PRRC2A: variants seen among roughly 807,000 people sequenced by gnomAD.
PRRC2A encodes protein PRRC2A.
Under a neutral mutation model 224.6 loss-of-function variants are expected in PRRC2A, and 59 were observed. The ratio of observed to expected loss-of-function variants is 0.26; its 90% confidence interval spans 0.21 to 0.33. PRRC2A has a LOEUF of 0.33. Ranked by LOEUF, PRRC2A falls within the 10% of genes least tolerant of loss-of-function variation. PRRC2A has a pLI of 1.00. For missense variants in PRRC2A, 3,095 were observed against 2,880.7 expected, an observed-to-expected ratio of 1.07 and a Z score of -1.70; for synonymous variants, 1,194 against 1,109.5, an observed-to-expected ratio of 1.08 and a Z score of -1.51.
At position 31,625,365 on chromosome 6, in the gene PRRC2A, G is replaced by C; in HGVS notation, c.607+51G>C. ...CATTACCTATTGCATCTCAGAGCTA[G>C]GTGCTGGCTTATTCACCTTCCTCCC... On this transcript the variant is annotated intron_variant, in intron 6 of 30. Transcript: ENST00000376033. The surrounding 1 kb of genome is among the most constrained non-coding windows in gnomAD (Gnocchi z 4.1). 1.2e-6 allele frequency: 2 copies of C among 1,614,064 alleles called. No homozygotes were observed. Among genetic ancestry groups the C allele is most frequent in the Non-Finnish European group, 1.7e-6 (2 of 1,179,908 alleles).
At chr6:31,623,159 C>T in intron 2 of PRRC2A, 1 of 726,938 alleles carries the variant, frequency 1.4e-6, no homozygotes. Context: ...ATTTGGGAAA[C>T]TTTGAGGCCA....
chr6:31,627,710 A>T lies in PRRC2A; in HGVS notation c.1291-55A>T, dbSNP rs2736171. 3.2e-6 allele frequency: 5 copies of T among 1,579,968 alleles called. No individual in the cohort carries two copies. Among genetic ancestry groups the T allele is most frequent in the East Asian group, 2.3e-5 (1 of 44,212 alleles). ...CAGTTGATTTGTTGTAAAAGAGATG[A>T]TAGAAAGCATAGTAACTGATTCCCC... On this transcript the variant is annotated intron_variant, in intron 11 of 30. Coordinates refer to ENST00000376033, the MANE Select transcript of PRRC2A (RefSeq NM_004638.4). The surrounding 1 kb of genome is among the most constrained non-coding windows in gnomAD (Gnocchi z 5.6).
Position 31,627,818 on chromosome 6 carries a change from A to G in PRRC2A, c.1344A>G (p.Ala448=). Residue 448 remains alanine (A), a synonymous_variant, in exon 12 of 31, where the codon GCA becomes GCG. Coordinates refer to ENST00000376033, the MANE Select transcript of PRRC2A (RefSeq NM_004638.4). This position sits in a 1 kb window ranked among gnomAD's most constrained non-coding sequence, Gnocchi z 5.6. ...KPPAPEDEDE[A]WRQRRKQSSS... ...CAGCACCTGAAGATGAGGATGAGGCATGGCGGCAGCGACGAAAGCAGTCGT... is the reference window on the plus strand; with the variant it reads ...CAGCACCTGAAGATGAGGATGAGGCGTGGCGGCAGCGACGAAAGCAGTCGT... 5.6e-6 allele frequency: 9 copies of G among 1,613,092 alleles called. No individual in the cohort carries two copies. Among genetic ancestry groups the G allele is most frequent in the Non-Finnish European group, 2.5e-6 (3 of 1,180,034 alleles).
Position 31,627,242 on chromosome 6 carries a change from A to G in PRRC2A, c.1290+44A>G, listed in dbSNP as rs1248126841. 1.1e-5 allele frequency: 15 copies of G among 1,392,442 alleles called. No individual in the cohort carries two copies. Among genetic ancestry groups the G allele is most frequent in the African/African-American group, 1.4e-5 (1 of 69,326 alleles). 86.3% of individuals were successfully genotyped at this position (1,392,442 alleles called of 1,614,324 possible). On this transcript the variant is annotated intron_variant, in intron 11 of 30. Coordinates refer to ENST00000376033, the MANE Select transcript of PRRC2A (RefSeq NM_004638.4). The surrounding 1 kb of genome is among the most constrained non-coding windows in gnomAD (Gnocchi z 5.6). Reference sequence around the variant, plus strand: ...GGATTGAGAGGGTCAGCTGTGGGAAATTGGTGTCAGCTGAGTAATTGAAGC... The same window carrying G: ...GGATTGAGAGGGTCAGCTGTGGGAAGTTGGTGTCAGCTGAGTAATTGAAGC...
rs1351960455 is a variant in PRRC2A, at chr6:31,634,289, C to T, written c.4773C>T (p.Gly1591=). 6.2e-6 allele frequency: 10 copies of T among 1,610,698 alleles called. No individual in the cohort carries two copies. Among genetic ancestry groups the T allele is most frequent in the Non-Finnish European group, 8.5e-6 (10 of 1,179,478 alleles). ...GATTCTTGGGCTCTAAGCCTGAGGGCCCAGGCCCTCAGGCAGAGTCCAGAG... is the reference window on the plus strand; with the variant it reads ...GATTCTTGGGCTCTAAGCCTGAGGGTCCAGGCCCTCAGGCAGAGTCCAGAG... ...SSGFLGSKPE[G]PGPQAESRDT... The change falls in exon 19 of 31, where the codon GGC becomes GGT. Residue 1591 remains glycine, a synonymous_variant. Transcript: ENST00000376033.
chr6:31,635,892 T>G (rs1777279930), intron 24 of PRRC2A, 75 bp from the exon 25 acceptor site: 7 of 1,471,840 alleles, frequency 4.8e-6, no homozygotes, highest in Non-Finnish European at 6.5e-6. Context: ...ACTTTTTGCT[T>G]CTATGGGTGG....
At position 31,631,704 on chromosome 6, in the gene PRRC2A, A is replaced by T. The variant is rs1443835358; in HGVS notation, c.3031A>T (p.Arg1011Trp). The change falls in exon 16 of 31, where the codon AGG (arginine) becomes TGG (tryptophan). Residue 1011 changes from arginine (R) to tryptophan (W), a missense_variant. By Grantham distance (101) the Arg-to-Trp change is moderately radical (BLOSUM62 -3). Transcript: ENST00000376033. The surrounding 1 kb of genome is among the most constrained non-coding windows in gnomAD (Gnocchi z 4.5). The stretch of plus-strand genomic sequence containing the variant: ...TCTTTCCCCTGCCCCAAGGCTTCGG[A>T]GGGACTATTCGTATGAAAGAGTGGG... ...GNLSPAPRLR[R>W]DYSYERVGPT... 3.3e-6 allele frequency: 5 copies of T among 1,516,294 alleles called. No homozygotes were observed. The highest frequency in any genetic ancestry group is 1.4e-5 in the African/African-American group (1 of 71,494). The allele number at this position is 1,516,294 out of a possible 1,614,324, so 93.9% of individuals were successfully genotyped here.
rs1333729733 is a variant in PRRC2A at position 31,624,275 on chromosome 6, C to T, written c.305C>T (p.Thr102Ile). 6 of 1,613,544 alleles carry T rather than the reference C, an allele frequency of 3.7e-6. No homozygotes were observed. Among genetic ancestry groups the T allele is most frequent in the Non-Finnish European group, 5.1e-6 (6 of 1,179,978 alleles). Residue 102 changes from threonine (T) to isoleucine (I), a missense_variant, in exon 4 of 31, where the codon ACC (threonine) becomes ATC (isoleucine). Transcript: ENST00000376033. ...QSDPKSSDAS[T>I]AQPPESQPLP... ...TGTCCCCTCAGTTCCGATGCCTCAA[C>T]CGCTCAGCCGCCGGAATCGCAGCCA...
At chr6:31,624,065 T>C (rs1208502486) in intron 3 of PRRC2A, among the ~76,000 whole-genome samples, 156 bp downstream of exon 3, 2 of 152,218 alleles carry the variant, frequency 1.3e-5, no homozygotes, top group African/African-American at 2.4e-5. Context: ...TAAGGAATGG[T>C]ACTAAACTTT....
chr6:31,625,521 C>G lies in PRRC2A; in HGVS notation c.669C>G (p.Ser223=). The G allele has an allele frequency of 6.3e-7, 1 of 1,581,084 alleles. No homozygotes were observed. Among genetic ancestry groups the G allele is most frequent in the Non-Finnish European group, 8.6e-7 (1 of 1,159,916 alleles). The change falls in exon 7 of 31, where the codon TCC becomes TCG. Residue 223 remains serine, a synonymous_variant. Transcript: ENST00000376033. This position sits in a 1 kb window ranked among gnomAD's most constrained non-coding sequence, Gnocchi z 4.1. ...CTGATGAGCTGGAGGGCCCGGACTCCAAACTTCATCATGGTCATGATCCCC... is the reference window on the plus strand; with the variant it reads ...CTGATGAGCTGGAGGGCCCGGACTCGAAACTTCATCATGGTCATGATCCCC... ...RGPDELEGPD[S]KLHHGHDPRG...
intron 2 of PRRC2A, chr6:31,623,220 A>T: frequency 1.6e-6 from 1 of 638,514 alleles, no homozygotes; most frequent in East Asian, 3.4e-5. Flanking sequence ...AAAGTATTGA[A>T]TGTTACATAT....
Position 31,629,341 on chromosome 6 carries a change from T to C in PRRC2A, c.1956+7T>C. ...TTTCCAGCGGCAGCAGCAGGTGAAA[T>C]CAAGTTGTTTACCCTCTAAGGGCTG... On this transcript the variant is annotated splice_region_variant and intron_variant, in intron 13 of 30. Coordinates refer to ENST00000376033, the MANE Select transcript of PRRC2A (RefSeq NM_004638.4). 2 of 1,553,878 alleles carry C rather than the reference T, an allele frequency of 1.3e-6. No individual in the cohort carries two copies. Among genetic ancestry groups the C allele is most frequent in the Non-Finnish European group, 1.7e-6 (2 of 1,151,156 alleles).
chr6:31,633,676 A>G, intron 17 of PRRC2A, 29 bp downstream of exon 17: 1 of 1,584,194 alleles, frequency 6.3e-7, no homozygotes, highest in Non-Finnish European at 8.6e-7. Flanking sequence ...GGGTGGGAAT[A>G]TCTCCATCCC....
Position 31,629,239 on chromosome 6 carries a change from G to T in PRRC2A, c.1861G>T (p.Asp621Tyr), listed in dbSNP as rs1776258868. ...PPVPKVEPKG[D>Y]GIGPTRQPPS... is the part of the protein sequence containing the mutation. ...AGTTCCAAAGGTGGAACCCAAGGGT[G>T]ATGGGATTGGTCCCACCCGCCAGCC... is the stretch of plus-strand genomic sequence containing the variant. Residue 621 changes from aspartate to tyrosine, a missense_variant, in exon 13 of 31, where the codon GAT becomes TAT. By Grantham distance (160) the Asp-to-Tyr change is radical. This residue lies in a region of PRRC2A where 2,001 missense variants were observed against 1,764.9 expected (regional missense o/e 1.13). Transcript: ENST00000376033. 1 of 1,613,974 alleles carries T rather than the reference G, an allele frequency of 6.2e-7. No individual in the cohort carries two copies. Among genetic ancestry groups the T allele is most frequent in the Middle Eastern group, 1.7e-4 (1 of 6,050 alleles).
In PRRC2A at chr6:31,635,196, A is replaced by C. The variant is rs771738803; in HGVS notation, c.5225A>C (p.Asp1742Ala). The change falls in exon 22 of 31, where the codon GAC becomes GCC. Residue 1742 changes from aspartate to alanine, a missense_variant. Asp to Ala is a moderately radical substitution (Grantham distance 126). Around this residue, in one of 8 missense-constraint regions of PRRC2A, gnomAD observed 662 missense variants for 609.5 expected, o/e 1.09. Transcript: ENST00000376033. ...GGCACAGAACGATCACAGCGTACAG[A>C]CCGAGGCACAGAGCCTGGCCCCATT... ...PIGTERSQRT[D>A]RGTEPGPIRP... 2 of 1,612,850 alleles carry C rather than the reference A, an allele frequency of 1.2e-6. No homozygotes were observed. Among genetic ancestry groups the C allele is most frequent in the Non-Finnish European group, 8.5e-7 (1 of 1,178,860 alleles).
intron 16 of PRRC2A, 103 bp from the exon 17 acceptor site, chr6:31,633,276 T>C (rs921081057): frequency 2.2e-5 from 33 of 1,492,326 alleles, no homozygotes; most frequent in Non-Finnish European, 2.8e-5. Flanking sequence ...ACCTGGACTT[T>C]AATAGGGAAG....
chr6:31,634,341 C>G lies in PRRC2A; in HGVS notation c.4825C>G (p.His1609Asp). Residue 1609 changes from histidine to aspartate, a missense_variant, in exon 19 of 31, where the codon CAC becomes GAC. Coordinates refer to ENST00000376033, the MANE Select transcript of PRRC2A (RefSeq NM_004638.4). The part of the protein sequence containing the change: ...RDTGTEALTP[H>D]IWNRLHTATS... Reference sequence around the variant, plus strand: ...TACAGGCACAGAGGCCCTGACCCCTCACATCTGGAACCGTTTACATACTGG... The same window carrying G: ...TACAGGCACAGAGGCCCTGACCCCTGACATCTGGAACCGTTTACATACTGG... 1 of 1,612,980 alleles carries G rather than the reference C, an allele frequency of 6.2e-7. No individual in the cohort carries two copies.
chr6:31,631,408 G>A lies in PRRC2A; in HGVS notation c.2735G>A (p.Gly912Asp). The A allele has an allele frequency of 1.2e-6, 2 of 1,608,970 alleles. No individual in the cohort carries two copies. The highest frequency in any genetic ancestry group is 1.7e-6 in the Non-Finnish European group (2 of 1,178,560). ...PARGVGSGGQ[G>D]PPPPRRESRT... The stretch of plus-strand genomic sequence containing the variant: ...CGCGGAGTCGGGAGTGGAGGCCAGG[G>A]CCCCCCACCACCACGCAGAGAGAGT... Residue 912 changes from glycine (G) to aspartate (D), a missense_variant, in exon 16 of 31, where the codon GGC (glycine) becomes GAC (aspartate). Gly to Asp is a moderately conservative substitution (Grantham distance 94). Transcript: ENST00000376033. This position sits in a 1 kb window ranked among gnomAD's most constrained non-coding sequence, Gnocchi z 4.5.
Position 31,634,006 on chromosome 6 carries a change from A to G in PRRC2A, c.4719+17A>G. On this transcript the variant is annotated intron_variant, in intron 18 of 30. Transcript: ENST00000376033. ...CTACAGGAGGTAAGGGATGGGTTTG[A>G]GATTGTGCTTCACTGCACTCTTACT... The G allele has an allele frequency of 1.2e-6, 2 of 1,601,164 alleles. No homozygotes were observed. Among genetic ancestry groups the G allele is most frequent in the Non-Finnish European group, 1.7e-6 (2 of 1,177,164 alleles).
Sources: allele counts gnomAD v4.1 joint callset (sites outside exome capture counted in the v4.1 genomes callset), GRCh38; gene constraint gnomAD v4.1.1; regional missense constraint gnomAD v4.1.1; non-coding constraint Gnocchi (gnomAD v3.1); transcripts MANE v1.5; gene names NCBI Gene and HGNC (gene_info 2026-07-23, HGNC 2026-07-21).